The following FBXO10 variants were observed in gnomAD, a reference collection of about 807,000 sequenced individuals.
The protein encoded by FBXO10 is F-box only protein 10.
In FBXO10, 39 loss-of-function variants were observed where a neutral mutation model predicts 80.7. That is an observed-to-expected ratio of 0.48 (90% CI 0.37 to 0.63). The LOEUF (loss-of-function observed/expected upper bound fraction) is 0.63, where lower values mean the gene tolerates loss of function less well. Ranked by LOEUF, FBXO10 falls within the 30% of genes least tolerant of loss-of-function variation. The pLI is 0.00. For missense variants in FBXO10, 1,025 were observed against 1,269.0 expected (o/e 0.81, Z 2.92); for synonymous variants, 449 against 489.6 (o/e 0.92, Z 1.09).
chr9:37,550,463 G>A (rs1822170331), intron 1 of FBXO10, among the ~76,000 whole-genome samples: 1 of 148,306 alleles, frequency 6.7e-6, no homozygotes, highest in Non-Finnish European at 1.5e-5. Context: ...GGGATTACAG[G>A]CATGAGCCAC....
intron 5 of FBXO10, among the ~76,000 whole-genome samples, chr9:37,527,661 T>C (rs1821508920): frequency 6.6e-6 from 1 of 152,208 alleles, no homozygotes; most frequent in Non-Finnish European, 1.5e-5. Flanking sequence ...ATCATGGCTG[T>C]GTGAGTGTGT....
chr9:37,546,950 G>A (rs781502260), intron 1 of FBXO10, among the ~76,000 whole-genome samples: 5 of 152,124 alleles, frequency 3.3e-5, no homozygotes, highest in Admixed American at 2.0e-4. Context: ...CAAAGTGCTG[G>A]GATTACAGGC....
intron 3 of FBXO10, among the ~76,000 whole-genome samples, chr9:37,533,015 G>C (rs1821668319): frequency 6.6e-6 from 1 of 152,162 alleles, no homozygotes; most frequent in Admixed American, 6.5e-5. Flanking sequence ...TATCACCCTG[G>C]GGTGGAAAAC....
At chr9:37,517,996 G>T in intron 9 of FBXO10, 129 bp downstream of exon 9, 1 of 1,000,118 alleles carries the variant, frequency 1.0e-6, no homozygotes, top group Non-Finnish European at 1.4e-6. Context: ...GCTGAGTCCT[G>T]GCAGGAGGGA....
At chr9:37,523,048 C>G in intron 6 of FBXO10, 71 bp from the exon 7 acceptor site, 2 of 1,534,968 alleles carry the variant, frequency 1.3e-6, no homozygotes, top group Non-Finnish European at 1.8e-6. Flanking sequence ...AGGACTTGGA[C>G]AGTTTTGATC....
At chr9:37,557,109 C>T (rs1043061856) in intron 1 of FBXO10, among the ~76,000 whole-genome samples, 3 of 152,194 alleles carry the variant, frequency 2.0e-5, no homozygotes, top group African/African-American at 4.8e-5. Context: ...GTCTACGTGT[C>T]CATGCACTAT....
rs1320613044 is a variant in FBXO10 at position 37,511,145 on chromosome 9, C to T, written c.*1402G>A. On this transcript the variant is annotated 3_prime_UTR_variant, in exon 11 of 11. Coordinates refer to ENST00000432825, the MANE Select transcript of FBXO10 (RefSeq NM_012166.3). ...CCCATCCCACCCAACAGAGCAGCAC[C>T]TAGGGCCAATAGAACCAGCCACGCA... 2.0e-5 allele frequency: 3 copies of T among 152,700 alleles called. No individual in the cohort carries two copies. Among genetic ancestry groups the T allele is most frequent in the African/African-American group, 4.8e-5 (2 of 41,400 alleles). The allele number at this position is 152,700 out of a possible 1,614,324, so 9.5% of individuals were successfully genotyped here. A position where few individuals can be genotyped will look rare whatever the true frequency, so the allele number is the denominator to read the frequency against.
Position 37,537,293 on chromosome 9 carries a change from C to T in FBXO10, c.1236G>A (p.Gln412=), listed in dbSNP as rs1194518205. The T allele has an allele frequency of 6.2e-7, 1 of 1,613,276 alleles. No individual in the cohort carries two copies. The highest frequency in any genetic ancestry group is 2.2e-5 in the East Asian group (1 of 44,880). ...TGGCCTCCTTATCCTTCTGCAGCTC[C>T]TGCTGCAGTGAGTTCAGCACTAGGC... ...PSCLVLNSLQ[Q]ELQKDKEAMA... The change falls in exon 3 of 11, where the codon CAG becomes CAA. Residue 412 remains glutamine (Q), a synonymous_variant. Coordinates refer to ENST00000432825, the MANE Select transcript of FBXO10 (RefSeq NM_012166.3).
intron 8 of FBXO10, among the ~76,000 whole-genome samples, chr9:37,521,304 C>CACT (rs1821339444): frequency 1.3e-5 from 2 of 148,262 alleles, no homozygotes; most frequent in African/African-American, 2.6e-5. Flanking sequence ...CTGGCCCCCA[C>CACT]GCTGTCTGGG....
Position 37,541,911 on chromosome 9 carries a change from C to T in FBXO10, c.-6-137G>A, listed in dbSNP as rs374470271. On this transcript the variant is annotated intron_variant, in intron 1 of 10. Transcript: ENST00000432825. ...TGGTGCGATCTTGGCCTCACCATAACCTCCACCTCCCAGATTCAAGCAATT... is the reference window on the plus strand; with the variant it reads ...TGGTGCGATCTTGGCCTCACCATAATCTCCACCTCCCAGATTCAAGCAATT... 19 of 691,688 alleles carry T rather than the reference C, an allele frequency of 2.7e-5. 2 individuals carry two copies. The highest frequency in any genetic ancestry group is 2.3e-4 in the African/African-American group (13 of 55,572). 42.8% of individuals were successfully genotyped at this position (691,688 alleles called of 1,614,324 possible). A position where few individuals can be genotyped will look rare whatever the true frequency, so the allele number is the denominator to read the frequency against.
rs756741985 is a variant in FBXO10 at position 37,522,792 on chromosome 9, C to T, written c.1930+33G>A. ...CTGGAGATGGAACCTGGGCTTCCTGCCTCCCCGGCTGGGTTGGGAACAAGC... is the reference window on the plus strand; with the variant it reads ...CTGGAGATGGAACCTGGGCTTCCTGTCTCCCCGGCTGGGTTGGGAACAAGC... On this transcript the variant is annotated intron_variant, in intron 7 of 10. Transcript: ENST00000432825. The T allele has an allele frequency of 1.9e-6, 3 of 1,550,062 alleles. 1 individual carries two copies. The Admixed American group carries it at 5.9e-5, about 30-fold the overall frequency.
chr9:37,559,202 G>A (rs1822415232), intron 1 of FBXO10, among the ~76,000 whole-genome samples: 1 of 152,140 alleles, frequency 6.6e-6, no homozygotes, highest in Non-Finnish European at 1.5e-5. Flanking sequence ...AGAATCACCT[G>A]GGGCCTATTC....
chr9:37,564,959 G>C (rs895547799), intron 1 of FBXO10, among the ~76,000 whole-genome samples: 10 of 152,192 alleles, frequency 6.6e-5, no homozygotes, highest in Admixed American at 5.9e-4. Flanking sequence ...GATATGGTTT[G>C]GCTGTGTCCC....
chr9:37,541,263 C>G lies in FBXO10; in HGVS notation c.506G>C (p.Ser169Thr), dbSNP rs777626299. 1.9e-6 allele frequency: 3 copies of G among 1,613,782 alleles called. No individual in the cohort carries two copies. In the Admixed American group the frequency reaches 5.0e-5, roughly 27 times the overall value. ...GKLGEVALLA[S>T]IDQHCSTTRL... is the part of the protein sequence containing the mutation. ...TGTGGTTGAGCAGTGCTGATCAATG[C>G]TGGCCAGCAGGGCCACTTCACCCAA... Residue 169 changes from serine (S) to threonine (T), a missense_variant, in exon 2 of 11, where the codon AGC becomes ACC. Physicochemically the swap from Ser to Thr is moderately conservative, Grantham distance 58 (BLOSUM62 1). Around this residue, in one of 3 missense-constraint regions of FBXO10, gnomAD observed 450 missense variants for 499.4 expected, o/e 0.90. Transcript: ENST00000432825.
At chr9:37,560,998 C>T (rs1240110155) in intron 1 of FBXO10, among the ~76,000 whole-genome samples, 6 of 151,976 alleles carry the variant, frequency 3.9e-5, no homozygotes, top group South Asian at 2.1e-4. Context: ...AAAAATTAGC[C>T]GGGCATGGTG....
chr9:37,546,126 A>G (rs1822049438), intron 1 of FBXO10, among the ~76,000 whole-genome samples: 1 of 151,986 alleles, frequency 6.6e-6, no homozygotes, highest in African/African-American at 2.4e-5. Flanking sequence ...AGCCAGAACA[A>G]GAGCAAAACT....
chr9:37,557,554 AT>A (rs1822368504), intron 1 of FBXO10, among the ~76,000 whole-genome samples: 1 of 152,064 alleles, frequency 6.6e-6, no homozygotes, highest in South Asian at 2.1e-4. Flanking sequence ...TTAAAATGTT[AT>A]TTTGCTGTCT....
rs563651303 is a variant in FBXO10 at position 37,531,077 on chromosome 9, A to G, written c.1569+832T>C. On this transcript the variant is annotated intron_variant, in intron 4 of 10. Coordinates refer to ENST00000432825, the MANE Select transcript of FBXO10 (RefSeq NM_012166.3). ...AGGATCCTCTGCCTCTTCAGGCTCT[A>G]TATCTTTACTATAAAATAGGGATGA... Among the ~76,000 whole-genome samples, 3 of 152,348 alleles carry G rather than the reference A, an allele frequency of 2.0e-5. No homozygotes were observed. The South Asian group carries it at 6.2e-4, about 32-fold the overall frequency.
chr9:37,533,147 T>C (rs1241298189), intron 3 of FBXO10, among the ~76,000 whole-genome samples: 1 of 108,390 alleles, frequency 9.2e-6, no homozygotes, highest in Non-Finnish European at 1.9e-5. Flanking sequence ...ATTTTCTTTT[T>C]ATGTTTAATA....
Sources: gnomAD v4.1 joint callset for allele counts (sites outside exome capture counted in the v4.1 genomes callset) on GRCh38, gnomAD v4.1.1 for gene constraint, gnomAD v4.1.1 regional missense constraint, MANE v1.5 for transcripts, NCBI Gene and HGNC (gene_info 2026-07-23, HGNC 2026-07-21) for gene names.